Variants in SRGAP1 observed in about 807,000 individuals in gnomAD.
SRGAP1 encodes SLIT-ROBO Rho GTPase-activating protein 1.
Under a neutral mutation model 121.9 loss-of-function variants are expected in SRGAP1, and 43 were observed. The observed-to-expected ratio is 0.35, with a 90% CI of 0.28 to 0.46. The LOEUF (loss-of-function observed/expected upper bound fraction) is 0.46, where lower values mean the gene tolerates loss of function less well. Among genes scored for constraint, SRGAP1 ranks in the 20% least tolerant of loss-of-function variants. SRGAP1 has a pLI of 1.00. For missense variants in SRGAP1, 1,102 were observed against 1,350.9 expected (o/e 0.82, Z 2.89); for synonymous variants, 447 against 485.4 (o/e 0.92, Z 1.04).
At chr12:64,076,230 G>A (rs560057288) in intron 8 of SRGAP1, among the ~76,000 whole-genome samples, 1 of 152,230 alleles carries the variant, frequency 6.6e-6, no homozygotes, top group African/African-American at 2.4e-5. Context: ...TAGACAATGA[G>A]GAGATAAGAA....
At chr12:63,968,669 G>T (rs2032850617) in intron 1 of SRGAP1, among the ~76,000 whole-genome samples, 1 of 152,214 alleles carries the variant, frequency 6.6e-6, no homozygotes, top group African/African-American at 2.4e-5. Context: ...TGAACAACGT[G>T]AAGTGTTTCA....
At position 64,068,272 on chromosome 12, in the gene SRGAP1, C is replaced by CAA. The variant is rs765189176; in HGVS notation, c.1125+3076_1125+3077dup. On this transcript the variant is annotated intron_variant, in intron 8 of 21. Coordinates refer to ENST00000355086, the MANE Select transcript of SRGAP1 (RefSeq NM_020762.4). Reference sequence around the variant, plus strand: ...TGGGCAACAGAGCAAAACTCTGTCTCAAAAAAAAAAAAAAAAAAAAAAAAG... The same window carrying CAA: ...TGGGCAACAGAGCAAAACTCTGTCTCAAAAAAAAAAAAAAAAAAAAAAAAAAG... 7.7e-3 allele frequency among the ~76,000 whole-genome samples: 437 copies of CAA among 56,508 alleles called. 3 individuals are homozygous for CAA. The highest frequency in any genetic ancestry group is 0.019 in the African/African-American group (269 of 14,486). The allele number at this position is 56,508 out of a possible 152,430, so 37.1% of individuals were successfully genotyped here. A position where few individuals can be genotyped will look rare whatever the true frequency, so the allele number is the denominator to read the frequency against.
At chr12:63,938,897 G>A (rs2031762894) in intron 1 of SRGAP1, among the ~76,000 whole-genome samples, 1 of 151,822 alleles carries the variant, frequency 6.6e-6, no homozygotes, top group Non-Finnish European at 1.5e-5. Flanking sequence ...ACTCATACCT[G>A]TAATCACAGC....
At chr12:63,970,928 C>G (rs1420177502) in intron 1 of SRGAP1, among the ~76,000 whole-genome samples, 1 of 152,122 alleles carries the variant, frequency 6.6e-6, no homozygotes, top group African/African-American at 2.4e-5. Flanking sequence ...GAACAAAGAG[C>G]TGAATCAAGA....
intron 18 of SRGAP1, among the ~76,000 whole-genome samples, chr12:64,119,770 CTTTTTTT>C (rs997729181): frequency 4.1e-4 from 44 of 107,452 alleles, no homozygotes; most frequent in African/African-American, 1.3e-3. Flanking sequence ...TTATTTGTTT[CTTTTTTT>C]TTTTTTTTTT....
intron 12 of SRGAP1, chr12:64,091,963 T>C: frequency 6.6e-7 from 1 of 1,516,310 alleles, no homozygotes; most frequent in South Asian, 1.2e-5. Flanking sequence ...GCTCTTTCAC[T>C]GTTGGTATCA....
At chr12:64,095,659 A>C (rs1040845020) in intron 14 of SRGAP1, among the ~76,000 whole-genome samples, 1 of 152,216 alleles carries the variant, frequency 6.6e-6, no homozygotes, top group Non-Finnish European at 1.5e-5. Flanking sequence ...TTGGCTGTCA[A>C]ATAAGTTCTA....
intron 3 of SRGAP1, among the ~76,000 whole-genome samples, chr12:64,009,093 C>T (rs1157586499): frequency 6.6e-6 from 1 of 152,044 alleles, no homozygotes; most frequent in East Asian, 1.9e-4. Context: ...CTAAAGAAGA[C>T]ATATTATTAT....
At chr12:63,914,269 T>G (rs1357770584) in intron 1 of SRGAP1, among the ~76,000 whole-genome samples, 1 of 152,190 alleles carries the variant, frequency 6.6e-6, no homozygotes, top group East Asian at 1.9e-4. Flanking sequence ...TAATCACTTT[T>G]CCCTTCCAAA....
chr12:64,040,331 A>G (rs1392619018), intron 4 of SRGAP1, among the ~76,000 whole-genome samples: 2 of 152,214 alleles, frequency 1.3e-5, no homozygotes, highest in Non-Finnish European at 2.9e-5. Context: ...ATTATTCTCA[A>G]CTTCTTAGAC....
At chr12:63,975,524 A>G (rs2033068914) in intron 1 of SRGAP1, among the ~76,000 whole-genome samples, 1 of 152,216 alleles carries the variant, frequency 6.6e-6, no homozygotes, top group Non-Finnish European at 1.5e-5. Flanking sequence ...TATATAATAC[A>G]ATATATCCAA....
chr12:63,974,120 A>G (rs534495776), intron 1 of SRGAP1, among the ~76,000 whole-genome samples: 13 of 152,316 alleles, frequency 8.5e-5, no homozygotes, highest in Middle Eastern at 3.4e-3. Context: ...ATAAAAGTAC[A>G]ATAGTGGATC....
At chr12:64,045,790 T>A (rs1160915222) in intron 6 of SRGAP1, among the ~76,000 whole-genome samples, 1 of 152,170 alleles carries the variant, frequency 6.6e-6, no homozygotes, top group Non-Finnish European at 1.5e-5. Context: ...GAAAAGTACT[T>A]CTTTAATACC....
At chr12:64,020,843 C>CAAAAAAAAAAAA (rs34144761) in intron 4 of SRGAP1, among the ~76,000 whole-genome samples, 5 of 70,034 alleles carry the variant, frequency 7.1e-5, no homozygotes, top group African/African-American at 1.1e-4. Flanking sequence ...GACTCCGTCT[C>CAAAAAAAAAAAA]AAAAAAAAAA....
At chr12:64,064,069 C>G (rs1272946315) in intron 7 of SRGAP1, among the ~76,000 whole-genome samples, 1 of 151,978 alleles carries the variant, frequency 6.6e-6, no homozygotes, top group Non-Finnish European at 1.5e-5. Context: ...GTAGCTTATC[C>G]CATCTTTCCA....
intron 6 of SRGAP1, among the ~76,000 whole-genome samples, chr12:64,044,937 C>G (rs12319575): frequency 0.11 from 17,013 of 151,986 alleles, 1,120 homozygotes; most frequent in South Asian, 0.31. Context: ...GCCTCAGCCT[C>G]CAGAAGAGCT....
At chr12:64,013,575 C>G (rs546394420) in intron 3 of SRGAP1, among the ~76,000 whole-genome samples, 6 of 152,252 alleles carry the variant, frequency 3.9e-5, no homozygotes, top group African/African-American at 1.4e-4. Flanking sequence ...AAGGGTCTAC[C>G]TACTGAAAGG....
intron 10 of SRGAP1, chr12:64,081,941 A>G (rs1369833995): frequency 7.2e-6 from 1 of 138,258 alleles, no homozygotes. Flanking sequence ...TTATCTTTGA[A>G]TAGTTTTCTT....
chr12:64,014,809 A>G (rs1429147858), intron 3 of SRGAP1, among the ~76,000 whole-genome samples: 4 of 151,624 alleles, frequency 2.6e-5, no homozygotes, highest in African/African-American at 9.7e-5. Context: ...GCCAAGAAAT[A>G]TTTTCTTCTT....
Sources: allele counts gnomAD v4.1 joint callset (sites outside exome capture counted in the v4.1 genomes callset), GRCh38; gene constraint gnomAD v4.1.1; transcripts MANE v1.5; gene names NCBI Gene and HGNC (gene_info 2026-07-23, HGNC 2026-07-21).